Variants in KCNIP4 observed in about 807,000 individuals in gnomAD.
KCNIP4 encodes potassium voltage-gated channel interacting protein 4, also known as Kv channel-interacting protein 4.
KCNIP4 carries 12 observed loss-of-function variants against 34.0 expected under a neutral mutation model. The observed-to-expected ratio is 0.35, with a 90% CI of 0.23 to 0.57. The LOEUF (loss-of-function observed/expected upper bound fraction) is 0.57. KCNIP4 is among the 20% of genes least tolerant of loss of function. KCNIP4 has a pLI of 0.83. For missense variants in KCNIP4, 238 were observed against 311.7 expected (o/e 0.76, Z 1.78); for synonymous variants, 124 against 102.2 (o/e 1.21, Z -1.29).
chr4:21,106,732 T>C (rs28866304), intron 1 of KCNIP4, among the ~76,000 whole-genome samples: 42,548 of 151,180 alleles, frequency 0.28, 6,837 homozygotes, highest in African/African-American at 0.41. Flanking sequence ...CTTGTGGGCA[T>C]TTAGTGCTAT....
At chr4:21,844,264 G>T (rs761732971) in intron 1 of KCNIP4, 6 of 151,998 alleles carry the variant, frequency 3.9e-5, no homozygotes, top group Non-Finnish European at 8.8e-5. Context: ...TTAAAGATGG[G>T]TACATGGAAA....
intron 1 of KCNIP4, among the ~76,000 whole-genome samples, chr4:21,118,263 T>C (rs1749856690): frequency 1.3e-5 from 2 of 152,120 alleles, no homozygotes; most frequent in South Asian, 4.1e-4. Context: ...CAGCAAACGG[T>C]CCAGGAAGCC....
intron 1 of KCNIP4, among the ~76,000 whole-genome samples, chr4:21,324,439 G>A (rs557025638): frequency 6.6e-5 from 10 of 152,098 alleles, no homozygotes; most frequent in African/African-American, 2.2e-4. Flanking sequence ...GTGTAAGATA[G>A]AGGTCTAGTT....
intron 1 of KCNIP4, among the ~76,000 whole-genome samples, chr4:21,906,547 C>T (rs1442728240): frequency 6.6e-6 from 1 of 152,126 alleles, no homozygotes; most frequent in Non-Finnish European, 1.5e-5. Flanking sequence ...TGATTTTGGA[C>T]TTTTGGCTTC....
chr4:21,363,684 A>T (rs1425538526), intron 1 of KCNIP4, among the ~76,000 whole-genome samples: 1 of 152,142 alleles, frequency 6.6e-6, no homozygotes, highest in Non-Finnish European at 1.5e-5. Context: ...GATGATTTTG[A>T]CTATCATCAC....
At chr4:21,697,720 C>T (rs1577866764) in intron 1 of KCNIP4, 3 of 1,184,302 alleles carry the variant, frequency 2.5e-6, no homozygotes, top group African/African-American at 1.6e-5. Flanking sequence ...TGCCGGTTCA[C>T]ACTTGTAGTA....
intron 1 of KCNIP4, among the ~76,000 whole-genome samples, chr4:21,627,627 A>G (rs1213319484): frequency 6.6e-6 from 1 of 152,194 alleles, no homozygotes; most frequent in Non-Finnish European, 1.5e-5. Flanking sequence ...GGAAAAAAAT[A>G]AGATGATTCT....
At chr4:21,251,287 T>G (rs530805510) in intron 1 of KCNIP4, among the ~76,000 whole-genome samples, 1 of 152,196 alleles carries the variant, frequency 6.6e-6, no homozygotes, top group African/African-American at 2.4e-5. Flanking sequence ...AGAGGAGATC[T>G]TTATTTTCAT....
At chr4:21,127,526 T>TC (rs2109158083) in intron 1 of KCNIP4, among the ~76,000 whole-genome samples, 2 of 152,264 alleles carry the variant, frequency 1.3e-5, no homozygotes, top group African/African-American at 4.8e-5. Context: ...CTCCGCACTC[T>TC]CCCCAACCTC....
At chr4:21,214,607 T>A (rs10516375) in intron 1 of KCNIP4, among the ~76,000 whole-genome samples, 14,544 of 152,218 alleles carry the variant, frequency 0.096, 2,227 homozygotes, top group African/African-American at 0.33. Context: ...TCCCTGTATC[T>A]TAAAGCTGGG....
intron 1 of KCNIP4, among the ~76,000 whole-genome samples, chr4:21,240,914 C>T (rs1759765440): frequency 6.6e-6 from 1 of 152,088 alleles, no homozygotes; most frequent in East Asian, 1.9e-4. Context: ...TAATGAGATG[C>T]AGTCAGATGG....
chr4:21,008,384 T>TAGGCTACTA (rs1738751331), intron 1 of KCNIP4, among the ~76,000 whole-genome samples: 2 of 152,242 alleles, frequency 1.3e-5, no homozygotes, highest in African/African-American at 4.8e-5. Context: ...TGTCTGAAAT[T>TAGGCTACTA]AGGCTACTAT....
At chr4:21,623,436 A>G (rs1258396961) in intron 1 of KCNIP4, among the ~76,000 whole-genome samples, 1 of 152,206 alleles carries the variant, frequency 6.6e-6, no homozygotes, top group Non-Finnish European at 1.5e-5. Context: ...TATTTTACCA[A>G]CAGTAAGAAC....
chr4:21,515,133 T>C (rs548424940), intron 1 of KCNIP4, among the ~76,000 whole-genome samples: 2 of 152,284 alleles, frequency 1.3e-5, no homozygotes, highest in African/African-American at 4.8e-5. Flanking sequence ...ATCCTTTAGG[T>C]TGGTGCTTAA....
chr4:21,700,878 G>A (rs1712776461), intron 1 of KCNIP4, among the ~76,000 whole-genome samples: 1 of 151,796 alleles, frequency 6.6e-6, no homozygotes, highest in Non-Finnish European at 1.5e-5. Flanking sequence ...GTGTGTTCTG[G>A]GCACCTTTGT....
At chr4:21,725,613 A>G (rs1715140041) in intron 1 of KCNIP4, among the ~76,000 whole-genome samples, 1 of 152,252 alleles carries the variant, frequency 6.6e-6, no homozygotes, top group African/African-American at 2.4e-5. Context: ...AGTATATCTG[A>G]AGCAAATGAC....
At chr4:21,588,192 A>G (rs1359251205) in intron 1 of KCNIP4, among the ~76,000 whole-genome samples, 1 of 152,098 alleles carries the variant, frequency 6.6e-6, no homozygotes, top group African/African-American at 2.4e-5. Flanking sequence ...TTCTTTTAAG[A>G]TATAAAATAA....
At chr4:21,085,848 C>CTTA (rs774805481) in intron 1 of KCNIP4, among the ~76,000 whole-genome samples, 11 of 152,132 alleles carry the variant, frequency 7.2e-5, no homozygotes, top group Non-Finnish European at 1.2e-4. Flanking sequence ...ATGAAATGAC[C>CTTA]TTATAATCAT....
chr4:21,309,487 T>C (rs1333469936), intron 1 of KCNIP4, among the ~76,000 whole-genome samples: 1 of 152,128 alleles, frequency 6.6e-6, no homozygotes, highest in Non-Finnish European at 1.5e-5. Flanking sequence ...AATTAAAAAT[T>C]AAAAAAATAT....
Sources: gnomAD v4.1 joint callset for allele counts (sites outside exome capture counted in the v4.1 genomes callset) on GRCh38, gnomAD v4.1.1 for gene constraint, MANE v1.5 for transcripts, NCBI Gene and HGNC (gene_info 2026-07-23, HGNC 2026-07-21) for gene names.